Variants in POC1B observed in about 807,000 individuals in gnomAD.
POC1B encodes POC1 centriolar protein B.
A neutral mutation model predicts 60.6 loss-of-function variants in POC1B; 44 were observed. That is an observed-to-expected ratio of 0.73 (90% CI 0.57 to 0.93). POC1B has a LOEUF of 0.93. POC1B is among the 40% of genes least tolerant of loss of function. POC1B has a pLI of 0.00. For missense variants in POC1B, 555 were observed against 572.3 expected (o/e 0.97, Z 0.31); for synonymous variants, 180 against 198.9 (o/e 0.90, Z 0.80).
At chr12:89,475,747 T>C (rs1883076524) in intron 4 of POC1B, among the ~76,000 whole-genome samples, 1 of 152,092 alleles carries the variant, frequency 6.6e-6, no homozygotes, top group Admixed American at 6.5e-5. Flanking sequence ...TTTAAAAACG[T>C]CTACAAAGTG....
chr12:89,466,614 T>C (rs1246870127), intron 9 of POC1B, 156 bp downstream of exon 9: 1 of 610,664 alleles, frequency 1.6e-6, no homozygotes, highest in Non-Finnish European at 2.6e-6. Context: ...TATAAAACTT[T>C]ATTACACACT....
intron 4 of POC1B, among the ~76,000 whole-genome samples, chr12:89,475,012 A>G (rs532271209): frequency 3.3e-5 from 5 of 152,296 alleles, no homozygotes; most frequent in African/African-American, 7.2e-5. Flanking sequence ...TGCTGTGGGT[A>G]GTAGGAATAT....
intron 2 of POC1B, among the ~76,000 whole-genome samples, chr12:89,510,257 T>C (rs1334251473): frequency 6.6e-6 from 1 of 152,190 alleles, no homozygotes; most frequent in Non-Finnish European, 1.5e-5. Flanking sequence ...GCTTGGAAAT[T>C]AGTCCTAGGG....
chr12:89,440,356 C>G (rs1222532501), intron 10 of POC1B, among the ~76,000 whole-genome samples: 1 of 152,170 alleles, frequency 6.6e-6, no homozygotes, highest in Non-Finnish European at 1.5e-5. Flanking sequence ...CACGTATCTA[C>G]CACTGCACCA....
At chr12:89,476,751 T>TAGACAGACAGACAGACAGAC in intron 4 of POC1B, among the ~76,000 whole-genome samples, 1 of 105,026 alleles carries the variant, frequency 9.5e-6, no homozygotes, top group African/African-American at 3.4e-5. Flanking sequence ...GATAGATAGA[T>TAGACAGACAGACAGACAGAC]AGATAGATAG....
At chr12:89,497,686 G>C (rs905102824) in intron 2 of POC1B, among the ~76,000 whole-genome samples, 7 of 152,158 alleles carry the variant, frequency 4.6e-5, no homozygotes, top group Non-Finnish European at 8.8e-5. Flanking sequence ...GTAATGGAAA[G>C]CTAGTTAACC....
the POC1B span, among the ~76,000 whole-genome samples, chr12:89,414,598 G>C: frequency 6.6e-6 from 1 of 152,140 alleles, no homozygotes. Context: ...CTAAAACCTC[G>C]TGACTTGCTA....
At chr12:89,423,215 T>C (rs1338922117) in intron 11 of POC1B, among the ~76,000 whole-genome samples, 3 of 152,154 alleles carry the variant, frequency 2.0e-5, no homozygotes, top group African/African-American at 7.2e-5. Flanking sequence ...AATGAGGTCT[T>C]AGCATTTTGG....
intron 3 of POC1B, among the ~76,000 whole-genome samples, chr12:89,495,994 C>T (rs1170723435): frequency 6.6e-6 from 1 of 152,134 alleles, no homozygotes; most frequent in African/African-American, 2.4e-5. Context: ...TTCCTGACCT[C>T]AGGTGATCTG....
chr12:89,475,282 A>C (rs1024167568), intron 4 of POC1B, among the ~76,000 whole-genome samples: 1 of 152,210 alleles, frequency 6.6e-6, no homozygotes, highest in Non-Finnish European at 1.5e-5. Context: ...TTCCCAGAGC[A>C]AAATAAATGA....
intron 1 of POC1B, 157 bp downstream of exon 1, chr12:89,525,724 G>A (rs963365522): frequency 7.9e-7 from 1 of 1,267,108 alleles, no homozygotes; most frequent in Non-Finnish European, 1.0e-6. Flanking sequence ...CGATGGCAGA[G>A]AGTGAGATAC....
intron 9 of POC1B, among the ~76,000 whole-genome samples, chr12:89,463,794 C>T (rs1047279450): frequency 2.0e-5 from 3 of 152,136 alleles, no homozygotes; most frequent in African/African-American, 4.8e-5. Context: ...AGTAATATGG[C>T]TATCACCCCC....
At chr12:89,485,982 C>T (rs771620280) in intron 4 of POC1B, among the ~76,000 whole-genome samples, 1 of 152,138 alleles carries the variant, frequency 6.6e-6, no homozygotes, top group Non-Finnish European at 1.5e-5. Flanking sequence ...AGTCTTGGCT[C>T]AAACGTCACC....
chr12:89,491,113 C>T (rs1295334365), intron 4 of POC1B, among the ~76,000 whole-genome samples: 2 of 152,126 alleles, frequency 1.3e-5, no homozygotes, highest in Non-Finnish European at 2.9e-5. Context: ...CCCTGGGGCC[C>T]CTCCTACATC....
chr12:89,433,708 G>C (rs913819275), intron 10 of POC1B, among the ~76,000 whole-genome samples: 8 of 152,134 alleles, frequency 5.3e-5, no homozygotes, highest in Non-Finnish European at 1.0e-4. Flanking sequence ...AGAGTGGGAG[G>C]CTTTACACTA....
intron 9 of POC1B, 106 bp from the exon 10 acceptor site, chr12:89,459,824 A>ATATTCAT: frequency 1.7e-6 from 1 of 578,608 alleles, no homozygotes; most frequent in East Asian, 3.2e-5. Context: ...TAAAATTAAA[A>ATATTCAT]TATATTGGTA....
chr12:89,518,611 A>T (rs1832208535), intron 2 of POC1B, among the ~76,000 whole-genome samples: 1 of 152,186 alleles, frequency 6.6e-6, no homozygotes, highest in Admixed American at 6.5e-5. Context: ...ATTCCAGAAC[A>T]TTCTCATAAT....
intron 3 of POC1B, 21 bp downstream of exon 3, chr12:89,497,150 G>A (rs1321554579): frequency 1.9e-6 from 3 of 1,607,742 alleles, no homozygotes; most frequent in Admixed American, 3.4e-5. Flanking sequence ...AGGATATCAA[G>A]TGTTTCTTTG....
At chr12:89,418,701 AC>A (rs1167938617), downstream of POC1B, among the ~76,000 whole-genome samples, 1 of 151,952 alleles carries the variant, frequency 6.6e-6, no homozygotes, top group Non-Finnish European at 1.5e-5. Flanking sequence ...AGAACTTGGC[AC>A]CACTCTCCCC....
Sources: gnomAD v4.1 joint callset for allele counts (sites outside exome capture counted in the v4.1 genomes callset) on GRCh38, gnomAD v4.1.1 for gene constraint, MANE v1.5 for transcripts, NCBI Gene and HGNC (gene_info 2026-07-23, HGNC 2026-07-21) for gene names.